The following SPATA6 variants were observed in gnomAD, a reference collection of about 807,000 sequenced individuals.
The protein encoded by SPATA6 is spermatogenesis-associated protein 6.
A neutral mutation model predicts 65.3 loss-of-function variants in SPATA6; 56 were observed. The observed-to-expected ratio is 0.86, with a 90% CI of 0.69 to 1.07. SPATA6 has a LOEUF of 1.07. Among genes scored for constraint, SPATA6 ranks in the 50% least tolerant of loss-of-function variants. The pLI, the probability that SPATA6 is intolerant of heterozygous loss-of-function variation, is 0.00. For synonymous variants in SPATA6, 199 were observed against 213.2 expected (o/e 0.93, Z 0.58); for missense variants, 590 against 594.8 (o/e 0.99, Z 0.08).
intron 11 of SPATA6, chr1:48,344,144 T>C (rs1367817292): frequency 1.3e-5 from 2 of 152,024 alleles, no homozygotes; most frequent in Non-Finnish European, 2.9e-5. Context: ...TAAACAAAAA[T>C]GTTAAAAGTG....
intron 11 of SPATA6, among the ~76,000 whole-genome samples, chr1:48,338,001 T>C (rs532952582): frequency 6.6e-6 from 1 of 151,814 alleles, no homozygotes; most frequent in Non-Finnish European, 1.5e-5. Context: ...GAACCAAGAA[T>C]AGGAAAAGCA....
At chr1:48,312,776 G>A (rs539299528) in intron 11 of SPATA6, among the ~76,000 whole-genome samples, 1 of 152,278 alleles carries the variant, frequency 6.6e-6, no homozygotes, top group Admixed American at 6.5e-5. Flanking sequence ...TAGAACCCAT[G>A]GCAAAGAAGT....
chr1:48,353,415 ATAC>A (rs988107724), intron 11 of SPATA6, among the ~76,000 whole-genome samples: 18 of 151,774 alleles, frequency 1.2e-4, no homozygotes, highest in East Asian at 7.7e-4. Flanking sequence ...CTACATAAAA[ATAC>A]TACATTTTCA....
chr1:48,421,660 C>T (rs904943209), intron 3 of SPATA6, among the ~76,000 whole-genome samples: 9 of 152,004 alleles, frequency 5.9e-5, no homozygotes, highest in African/African-American at 1.9e-4. Context: ...TCAACCCCAC[C>T]TTCCCTTAAA....
intron 9 of SPATA6, among the ~76,000 whole-genome samples, chr1:48,363,331 C>A (rs749984411): frequency 1.3e-4 from 20 of 152,130 alleles, no homozygotes; most frequent in Non-Finnish European, 1.6e-4. Flanking sequence ...TTTAGCTCAT[C>A]ACAGAAGGGT....
At position 48,297,070 on chromosome 1, in the gene SPATA6, C is replaced by T. The variant is rs1369115312; in HGVS notation, c.*1643G>A. 1 of 151,564 alleles carries T rather than the reference C, an allele frequency of 6.6e-6. No individual in the cohort carries two copies. The allele number at this position is 151,564 out of a possible 1,614,324, so 9.4% of individuals were successfully genotyped here. A position where few individuals can be genotyped will look rare whatever the true frequency, so the allele number is the denominator to read the frequency against. On this transcript the variant is annotated 3_prime_UTR_variant, in exon 13 of 13. Transcript: ENST00000371847. ...CAGCCCCAGTTTACAGGCGCTATTC[C>T]AGCATTAATATCATCTCTTTTTACC...
In SPATA6 at chr1:48,439,259, G is replaced by T. The variant is rs573598402; in HGVS notation, c.238+12293C>A. On this transcript the variant is annotated intron_variant, in intron 3 of 12. Transcript: ENST00000371847. ...GGGTGCAGGTTTTCAAGAATGCGTC[G>T]GTAAGGGCCACTAAATCTGACCTTC... 3.3e-5 allele frequency among the ~76,000 whole-genome samples: 5 copies of T among 152,084 alleles called. No homozygotes were observed. The East Asian group carries it at 7.7e-4, about 23-fold the overall frequency.
At chr1:48,280,162 C>G in the SPATA6 span, among the ~76,000 whole-genome samples, 3 of 152,124 alleles carry the variant, frequency 2.0e-5, no homozygotes, top group African/African-American at 7.2e-5. Flanking sequence ...ATACCAGAAT[C>G]TCTGGGACAC....
intron 9 of SPATA6, among the ~76,000 whole-genome samples, chr1:48,373,614 T>C (rs1647552115): frequency 6.6e-6 from 1 of 152,204 alleles, no homozygotes; most frequent in African/African-American, 2.4e-5. Context: ...TGTATTAATC[T>C]GTTTTCCACT....
At chr1:48,454,066 T>C (rs945859136) in intron 1 of SPATA6, among the ~76,000 whole-genome samples, 1 of 151,370 alleles carries the variant, frequency 6.6e-6, no homozygotes, top group African/African-American at 2.4e-5. Context: ...TGCACTTATA[T>C]AGTTAAGTGC....
chr1:48,382,443 C>T (rs1219472134), intron 9 of SPATA6, among the ~76,000 whole-genome samples: 16 of 139,600 alleles, frequency 1.1e-4, no homozygotes, highest in Admixed American at 1.4e-4. Flanking sequence ...CTGGATAGGG[C>T]GGCTGGCTGG....
At chr1:48,438,667 C>G (rs1187726862) in intron 3 of SPATA6, among the ~76,000 whole-genome samples, 1 of 152,198 alleles carries the variant, frequency 6.6e-6, no homozygotes, top group African/African-American at 2.4e-5. Flanking sequence ...TATCCTGACC[C>G]TTGCCTCCTG....
intron 5 of SPATA6, among the ~76,000 whole-genome samples, chr1:48,407,618 G>A (rs1037606790): frequency 1.3e-5 from 2 of 152,174 alleles, no homozygotes; most frequent in African/African-American, 2.4e-5. Context: ...AGGCAAGAAT[G>A]TTAATAGTCT....
the SPATA6 span, among the ~76,000 whole-genome samples, chr1:48,270,449 C>G: frequency 6.6e-6 from 1 of 152,026 alleles, no homozygotes; most frequent in Admixed American, 6.6e-5. Flanking sequence ...AACCACTTAT[C>G]TAGTTGAGAG....
intron 6 of SPATA6, chr1:48,400,738 C>T: frequency 8.0e-7 from 1 of 1,248,210 alleles, no homozygotes. Flanking sequence ...AAGTGAGTTT[C>T]AGCTAGGGCA....
chr1:48,357,312 A>G (rs1646688733), intron 10 of SPATA6, among the ~76,000 whole-genome samples: 1 of 152,152 alleles, frequency 6.6e-6, no homozygotes, highest in Non-Finnish European at 1.5e-5. Flanking sequence ...CTTATAACCA[A>G]AATTGAAACC....
intron 11 of SPATA6, among the ~76,000 whole-genome samples, chr1:48,308,480 A>T (rs1300924051): frequency 6.6e-6 from 1 of 152,138 alleles, no homozygotes; most frequent in African/African-American, 2.4e-5. Flanking sequence ...TAAGAACTAA[A>T]GAGTTACTGG....
At chr1:48,418,548 A>AC in intron 3 of SPATA6, among the ~76,000 whole-genome samples, 1 of 40,162 alleles carries the variant, frequency 2.5e-5, no homozygotes, top group African/African-American at 9.6e-5. Flanking sequence ...TCCCTACAAA[A>AC]AAAAAAAAAA....
chr1:48,296,447 CT>C lies in SPATA6; in HGVS notation c.*2265del, dbSNP rs1158470146. ...CAGAGTATTAGTTTCTAAAGTTTCC[CT>C]TTCAGCCCTACTTTTTGCAGCCTTT... On this transcript the variant is annotated 3_prime_UTR_variant, in exon 13 of 13. Coordinates refer to ENST00000371847, the MANE Select transcript of SPATA6 (RefSeq NM_019073.4). 6.6e-6 allele frequency: 1 copy of C among 152,166 alleles called. No homozygotes were observed. Among genetic ancestry groups the C allele is most frequent in the Non-Finnish European group, 1.5e-5 (1 of 68,022 alleles). The allele number at this position is 152,166 out of a possible 1,614,324, so 9.4% of individuals were successfully genotyped here.
Sources: allele counts gnomAD v4.1 joint callset (sites outside exome capture counted in the v4.1 genomes callset), GRCh38; gene constraint gnomAD v4.1.1; transcripts MANE v1.5; gene names NCBI Gene and HGNC (gene_info 2026-07-23, HGNC 2026-07-21).